The following RHEB variants were observed in gnomAD, a reference collection of about 807,000 sequenced individuals.
RHEB encodes the protein Ras homolog, mTORC1 binding, also known as GTP-binding protein Rheb.
RHEB carries 2 observed loss-of-function variants against 28.8 expected under a neutral mutation model. That is an observed-to-expected ratio of 0.07 (90% CI 0.03 to 0.22). RHEB has a LOEUF of 0.22. Ranked by LOEUF, RHEB falls within the 10% of genes least tolerant of loss-of-function variation. The pLI is 1.00. For missense variants in RHEB, 76 were observed against 219.9 expected (o/e 0.35, Z 4.14); for synonymous variants, 69 against 77.3 (o/e 0.89, Z 0.56).
At chr7:151,488,649 T>C (rs1802525682) in intron 2 of RHEB, among the ~76,000 whole-genome samples, 1 of 152,228 alleles carries the variant, frequency 6.6e-6, no homozygotes, top group Admixed American at 6.5e-5. Context: ...TCACGAACTT[T>C]TAATGGATAC....
chr7:151,518,954 G>A (rs1803130940), intron 1 of RHEB: 1 of 152,222 alleles, frequency 6.6e-6, no homozygotes, highest in Non-Finnish European at 1.5e-5. Context: ...TCTTTACAAG[G>A]GTAAACTTCA....
intron 3 of RHEB, among the ~76,000 whole-genome samples, chr7:151,483,921 G>A (rs1402698575): frequency 6.6e-6 from 1 of 152,116 alleles, no homozygotes; most frequent in African/African-American, 2.4e-5. Flanking sequence ...CCAATTCCCT[G>A]GTGATCCATT....
chr7:151,486,802 A>G (rs1201443913), intron 2 of RHEB, among the ~76,000 whole-genome samples: 1 of 152,172 alleles, frequency 6.6e-6, no homozygotes, highest in Non-Finnish European at 1.5e-5. Context: ...TTCTGGAAAT[A>G]TTTCAGAGGC....
intron 4 of RHEB, among the ~76,000 whole-genome samples, chr7:151,474,881 T>C (rs1006452376): frequency 6.6e-6 from 1 of 152,246 alleles, no homozygotes; most frequent in African/African-American, 2.4e-5. Flanking sequence ...GACATATTTC[T>C]TGTATATTCA....
chr7:151,503,378 T>A, intron 1 of RHEB: 1 of 987,872 alleles, frequency 1.0e-6, no homozygotes, highest in Non-Finnish European at 1.6e-6. Context: ...TTTGGTGGAA[T>A]TGGAGGTATC....
intron 1 of RHEB, among the ~76,000 whole-genome samples, chr7:151,518,458 A>G (rs1010981345): frequency 6.6e-6 from 1 of 152,082 alleles, no homozygotes; most frequent in Non-Finnish European, 1.5e-5. Context: ...CGCCTTCTAT[A>G]GACAGTTACT....
intron 4 of RHEB, among the ~76,000 whole-genome samples, chr7:151,476,279 C>A (rs917004964): frequency 1.3e-5 from 2 of 152,208 alleles, no homozygotes; most frequent in Non-Finnish European, 2.9e-5. Context: ...AACCCAGACA[C>A]TGGCCAACAT....
rs1802158074 is a variant in RHEB at position 151,471,340 on chromosome 7, A to G, written c.380+54T>C. Reference sequence around the variant, plus strand: ...TCTTGACATCAGAACAATAATTAAAATGATACTTCAGTGACTAAATCATCT... The same window carrying G: ...TCTTGACATCAGAACAATAATTAAAGTGATACTTCAGTGACTAAATCATCT... On this transcript the variant is annotated intron_variant, in intron 6 of 7. Coordinates refer to ENST00000262187, the MANE Select transcript of RHEB (RefSeq NM_005614.4). The G allele has an allele frequency of 7.1e-6, 8 of 1,126,154 alleles. No homozygotes were observed. In the Admixed American group the frequency reaches 1.6e-4, roughly 22 times the overall value. 69.8% of individuals were successfully genotyped at this position (1,126,154 alleles called of 1,614,324 possible). A position where few individuals can be genotyped will look rare whatever the true frequency, so the allele number is the denominator to read the frequency against.
Position 151,503,089 on chromosome 7 carries a change from T to G in RHEB, c.53-12075A>C. On this transcript the variant is annotated intron_variant, in intron 1 of 7. Coordinates refer to ENST00000262187, the MANE Select transcript of RHEB (RefSeq NM_005614.4). ...TTGGCGTTGAAGATACACTAAAGAC[T>G]TTGGAAAAGGGAGCTGTAGAAATTC... is the stretch of plus-strand genomic sequence containing the variant. 3 of 802,606 alleles carry G rather than the reference T, an allele frequency of 3.7e-6. No individual in the cohort carries two copies. In the South Asian group the frequency reaches 4.0e-5, roughly 11 times the overall value. The allele number at this position is 802,606 out of a possible 1,614,324, so 49.7% of individuals were successfully genotyped here. A position where few individuals can be genotyped will look rare whatever the true frequency, so the allele number is the denominator to read the frequency against.
At chr7:151,503,478 A>ATGTCTCACCCTCCAGCATCCAACCC in intron 1 of RHEB, 1 of 1,052,790 alleles carries the variant, frequency 9.5e-7, no homozygotes, top group Non-Finnish European at 1.5e-6. Flanking sequence ...GAGTCTGGCA[A>ATGTCTCACCCTCCAGCATCCAACCC]AACGTGCCTC....
intron 1 of RHEB, among the ~76,000 whole-genome samples, chr7:151,492,593 G>A (rs1175717410): frequency 2.6e-5 from 4 of 151,318 alleles, no homozygotes; most frequent in Admixed American, 2.0e-4. Context: ...CTCCACTCTG[G>A]GCAACAGAGT....
At chr7:151,498,537 G>A (rs1273359975) in intron 1 of RHEB, among the ~76,000 whole-genome samples, 1 of 152,074 alleles carries the variant, frequency 6.6e-6, no homozygotes, top group East Asian at 1.9e-4. Flanking sequence ...TGAGATGGGA[G>A]GACCACTTGA....
At chr7:151,478,971 C>G (rs1449416934) in intron 3 of RHEB, among the ~76,000 whole-genome samples, 1 of 152,024 alleles carries the variant, frequency 6.6e-6, no homozygotes, top group Non-Finnish European at 1.5e-5. Context: ...ATTCTGTCAC[C>G]CAGCCTGGAG....
intron 1 of RHEB, among the ~76,000 whole-genome samples, chr7:151,495,379 T>C (rs1802655021): frequency 6.6e-6 from 1 of 152,208 alleles, no homozygotes; most frequent in South Asian, 2.1e-4. Context: ...TGTCAAATAC[T>C]CTTCCTCCAA....
intron 2 of RHEB, among the ~76,000 whole-genome samples, chr7:151,489,718 A>G (rs907151006): frequency 1.3e-5 from 2 of 152,268 alleles, no homozygotes; most frequent in Non-Finnish European, 2.9e-5. Context: ...CTGTGTATCA[A>G]TAAAACTTTA....
rs1017803534 is a variant in RHEB, at chr7:151,519,718, C to G, written c.-207G>C. The G allele has an allele frequency of 2.8e-6, 1 of 359,324 alleles. No individual in the cohort carries two copies. The highest frequency in any genetic ancestry group is 4.9e-6 in the Non-Finnish European group (1 of 202,170). 22.3% of individuals were successfully genotyped at this position (359,324 alleles called of 1,614,324 possible). A position where few individuals can be genotyped will look rare whatever the true frequency, so the allele number is the denominator to read the frequency against. ...CGGCGCCCCTCCCCCCCACAACACG[C>G]CCACGTGACCGGCCGGCGTCAGCAC... On this transcript the variant is annotated 5_prime_UTR_variant, in exon 1 of 8. Coordinates refer to ENST00000262187, the MANE Select transcript of RHEB (RefSeq NM_005614.4).
chr7:151,489,022 C>T (rs968799852), intron 2 of RHEB, among the ~76,000 whole-genome samples: 2 of 152,134 alleles, frequency 1.3e-5, no homozygotes, highest in African/African-American at 4.8e-5. Context: ...ATCACTGCAG[C>T]CTCAAACTCC....
At chr7:151,498,699 A>G (rs1276604315) in intron 1 of RHEB, among the ~76,000 whole-genome samples, 1 of 152,160 alleles carries the variant, frequency 6.6e-6, no homozygotes, top group East Asian at 1.9e-4. Context: ...AAATGATGAC[A>G]TTCCCGCAGA....
chr7:151,510,078 A>G (rs1267317608), intron 1 of RHEB, among the ~76,000 whole-genome samples: 3 of 152,216 alleles, frequency 2.0e-5, no homozygotes, highest in Non-Finnish European at 4.4e-5. Flanking sequence ...CACAGAGCAG[A>G]CAAAACTGTT....
Sources: gnomAD v4.1 joint callset for allele counts (sites outside exome capture counted in the v4.1 genomes callset) on GRCh38, gnomAD v4.1.1 for gene constraint, MANE v1.5 for transcripts, NCBI Gene and HGNC (gene_info 2026-07-23, HGNC 2026-07-21) for gene names.